Variants in CAPN13 observed in about 807,000 individuals in gnomAD.
CAPN13 encodes calpain 13, also known as calpain-13.
A neutral mutation model predicts 98.4 loss-of-function variants in CAPN13; 90 were observed. The observed-to-expected ratio is 0.92, with a 90% CI of 0.77 to 1.09. The LOEUF is 1.09. Among genes scored for constraint, CAPN13 ranks in the 50% least tolerant of loss-of-function variants. The pLI, the probability that CAPN13 is intolerant of heterozygous loss-of-function variation, is 0.00. For missense variants in CAPN13, 887 were observed against 841.3 expected, an observed-to-expected ratio of 1.05 and a Z score of -0.67; for synonymous variants, 330 against 305.5, an observed-to-expected ratio of 1.08 and a Z score of -0.84.
chr2:30,757,511 G>C (rs1381145478), intron 8 of CAPN13, among the ~76,000 whole-genome samples: 5 of 152,196 alleles, frequency 3.3e-5, no homozygotes, highest in African/African-American at 9.6e-5. Context: ...GGCAAGACTG[G>C]TGAGCTGAGT....
At chr2:30,782,755 G>A (rs374621006) in intron 2 of CAPN13, among the ~76,000 whole-genome samples, 2 of 152,268 alleles carry the variant, frequency 1.3e-5, no homozygotes, top group East Asian at 1.9e-4. Context: ...GAAGTAAAAC[G>A]TCTTTTACTA....
chr2:30,730,169 G>T (rs1430745156), intron 22 of CAPN13, among the ~76,000 whole-genome samples: 1 of 152,154 alleles, frequency 6.6e-6, no homozygotes, highest in Non-Finnish European at 1.5e-5. Context: ...CTACAGCAGG[G>T]TTAGGGTGTG....
chr2:30,741,672 C>T, intron 15 of CAPN13: 1 of 1,375,922 alleles, frequency 7.3e-7, no homozygotes, highest in Non-Finnish European at 9.4e-7. Flanking sequence ...CCCTCCCTTT[C>T]TAAGCTCTGC....
intron 15 of CAPN13, among the ~76,000 whole-genome samples, chr2:30,740,345 G>A (rs1405050107): frequency 6.6e-6 from 1 of 152,064 alleles, no homozygotes; most frequent in Non-Finnish European, 1.5e-5. Flanking sequence ...CACCTGCCTT[G>A]GCCTGCCAAA....
At chr2:30,726,913 G>A in intron 22 of CAPN13, among the ~76,000 whole-genome samples, 1 of 152,080 alleles carries the variant, frequency 6.6e-6, no homozygotes, top group African/African-American at 2.4e-5. Flanking sequence ...GTAAAATAAA[G>A]TTGGAAAACT....
chr2:30,731,391 G>A lies in CAPN13; in HGVS notation c.1936C>T (p.Arg646Cys), dbSNP rs186986609. 32 of 1,609,906 alleles carry A rather than the reference G, an allele frequency of 2.0e-5. No individual in the cohort carries two copies. The highest frequency in any genetic ancestry group is 5.5e-5 in the South Asian group (5 of 90,330). ...MRLEAMAKTF[R>C]NLSKDGKGLY... ...CCTTTTCCATCCTTAGAGAGGTTGC[G>A]GAAGGTCTCTAGGATAAAGAAGGGA... The change falls in exon 21 of 23, where the codon CGC becomes TGC. Residue 646 changes from arginine (R) to cysteine (C), a missense_variant. By Grantham distance (180) the Arg-to-Cys change is radical. Coordinates refer to ENST00000295055, the MANE Select transcript of CAPN13 (RefSeq NM_144575.3).
At chr2:30,730,383 A>G (rs1190878012) in intron 22 of CAPN13, among the ~76,000 whole-genome samples, 1 of 152,020 alleles carries the variant, frequency 6.6e-6, no homozygotes, top group Non-Finnish European at 1.5e-5. Context: ...CATTTCTACC[A>G]TTTCTGTTGC....
Position 30,730,786 on chromosome 2 carries a change from A to G in CAPN13, c.1984T>C (p.Trp662Arg). Residue 662 changes from tryptophan to arginine, a missense_variant and splice_region_variant, in exon 22 of 23, where the codon TGG becomes CGG. Physicochemically the swap from Trp to Arg is moderately radical, Grantham distance 101. Coordinates refer to ENST00000295055, the MANE Select transcript of CAPN13 (RefSeq NM_144575.3). ...GKGLYLTEME[W>R]MSLVMYN ...CAGTTGTACATGACCAGGCTCATCC[A>G]CTGAAAAATAAGCATCATCATTACA... 1.3e-6 allele frequency: 1 copy of G among 780,856 alleles called. No homozygotes were observed. Among genetic ancestry groups the G allele is most frequent in the East Asian group, 2.4e-5 (1 of 41,242 alleles). The allele number at this position is 780,856 out of a possible 1,614,324, so 48.4% of individuals were successfully genotyped here.
chr2:30,785,579 A>T (rs1674232018), intron 2 of CAPN13, among the ~76,000 whole-genome samples: 1 of 152,138 alleles, frequency 6.6e-6, no homozygotes, highest in Admixed American at 6.5e-5. Context: ...TTTATAAGTA[A>T]TTTCACTTCT....
chr2:30,779,082 G>A (rs781072807), intron 2 of CAPN13, among the ~76,000 whole-genome samples: 17 of 152,210 alleles, frequency 1.1e-4, no homozygotes, highest in Non-Finnish European at 2.4e-4. Flanking sequence ...TCCTCCACTC[G>A]TGAGAAGTAA....
At chr2:30,756,535 T>G (rs1672460996) in intron 8 of CAPN13, among the ~76,000 whole-genome samples, 12 of 152,326 alleles carry the variant, frequency 7.9e-5, no homozygotes, top group Admixed American at 7.8e-4. Context: ...TGTGAATATA[T>G]TGCCTCTTCT....
chr2:30,758,022 G>C lies in CAPN13; in HGVS notation c.866+24C>G. ...GACACCAAGCGCTCTGTGAAGGATG[G>C]AGAGAGGTTTCCAGAAGCCATACCC... is the stretch of plus-strand genomic sequence containing the variant. On this transcript the variant is annotated intron_variant, in intron 8 of 22. Coordinates refer to ENST00000295055, the MANE Select transcript of CAPN13 (RefSeq NM_144575.3). The C allele has an allele frequency of 2.5e-6, 4 of 1,574,148 alleles. No homozygotes were observed. In the South Asian group the frequency reaches 4.7e-5, roughly 18 times the overall value.
intron 22 of CAPN13, among the ~76,000 whole-genome samples, chr2:30,725,987 A>T (rs1670842650): frequency 6.6e-6 from 1 of 152,206 alleles, no homozygotes. Flanking sequence ...GAAGACTAGG[A>T]TGTAAGCTAA....
intron 6 of CAPN13, 21 bp from the exon 7 acceptor site, chr2:30,763,177 T>C (rs1233197899): frequency 2.5e-6 from 4 of 1,603,336 alleles, no homozygotes; most frequent in South Asian, 2.3e-5. Context: ...GAAAAGCAGA[T>C]CAAACATTAG....
At chr2:30,798,048 G>C (rs1674979241) in intron 1 of CAPN13, among the ~76,000 whole-genome samples, 1 of 152,204 alleles carries the variant, frequency 6.6e-6, no homozygotes, top group Non-Finnish European at 1.5e-5. Flanking sequence ...AGAAATTTGG[G>C]GAAGAGTGAT....
In CAPN13 at chr2:30,731,330, G is replaced by C; in HGVS notation, c.1983+14C>G. Reference sequence around the variant, plus strand: ...TGGGACTGTGCCTGCCCCGGGGAGGGGAAGGTACCTCACCTCCATTTCTGT... The same window carrying C: ...TGGGACTGTGCCTGCCCCGGGGAGGCGAAGGTACCTCACCTCCATTTCTGT... On this transcript the variant is annotated intron_variant, in intron 21 of 22. Transcript: ENST00000295055. 1 of 1,605,984 alleles carries C rather than the reference G, an allele frequency of 6.2e-7. No homozygotes were observed. The highest frequency in any genetic ancestry group is 2.3e-5 in the East Asian group (1 of 44,374).
intron 4 of CAPN13, among the ~76,000 whole-genome samples, chr2:30,775,477 AT>A (rs1268344532): frequency 1.3e-5 from 2 of 152,044 alleles, no homozygotes; most frequent in Admixed American, 1.3e-4. Context: ...TTTAAAAAAA[AT>A]AGACAAAATA....
At chr2:30,804,580 A>C (rs1572898379) in intron 1 of CAPN13, among the ~76,000 whole-genome samples, 2 of 152,334 alleles carry the variant, frequency 1.3e-5, no homozygotes, top group South Asian at 2.1e-4. Context: ...TAAATGCTTT[A>C]TATCAAGGAG....
intron 22 of CAPN13, among the ~76,000 whole-genome samples, chr2:30,726,722 G>A (rs546347106): frequency 6.6e-6 from 1 of 152,082 alleles, no homozygotes; most frequent in South Asian, 2.1e-4. Flanking sequence ...AATTAAAGAA[G>A]ATATAGAAAA....
Sources: gnomAD v4.1 joint callset for allele counts (sites outside exome capture counted in the v4.1 genomes callset) on GRCh38, gnomAD v4.1.1 for gene constraint, MANE v1.5 for transcripts, NCBI Gene and HGNC (gene_info 2026-07-23, HGNC 2026-07-21) for gene names.